Variants in PLXNA4 observed in about 807,000 individuals in gnomAD.
PLXNA4 encodes the protein plexin-A4.
PLXNA4 carries 44 observed loss-of-function variants against 191.8 expected under a neutral mutation model. The ratio of observed to expected loss-of-function variants is 0.23; its 90% CI spans 0.18 to 0.29. The LOEUF (loss-of-function observed/expected upper bound fraction) is 0.29. Among genes scored for constraint, PLXNA4 ranks in the 10% least tolerant of loss-of-function variants. PLXNA4 has a pLI of 1.00. For synonymous variants in PLXNA4, 1,082 were observed against 1,009.5 expected (o/e 1.07, Z -1.36); for missense variants, 1,800 against 2,488.8 (o/e 0.72, Z 5.89).
Position 132,507,872 on chromosome 7 carries a change from C to T in PLXNA4, c.822G>A (p.Gln274=), listed in dbSNP as rs1352003787. Residue 274 remains glutamine, a synonymous_variant, in exon 2 of 32, where the codon CAG becomes CAA. Transcript: ENST00000321063. ...VSPPGSTTKE[Q]VYTSKLVRLC... ...GCCTCACGAGCTTGGATGTATACAC[C>T]TGCTCCTTGGTGGTGGAGCCTGGTG... is the stretch of plus-strand genomic sequence containing the variant. 1 of 1,614,196 alleles carries T rather than the reference C, an allele frequency of 6.2e-7. No individual in the cohort carries two copies. Among genetic ancestry groups the T allele is most frequent in the Middle Eastern group, 1.6e-4 (1 of 6,062 alleles).
intron 3 of PLXNA4, among the ~76,000 whole-genome samples, chr7:132,481,136 C>G (rs186117413): frequency 6.6e-6 from 1 of 152,210 alleles, no homozygotes; most frequent in East Asian, 1.9e-4. Context: ...TAGGATCCAT[C>G]CAAACTGATT....
chr7:132,371,875 T>G (rs923833504), intron 3 of PLXNA4, among the ~76,000 whole-genome samples: 2 of 152,148 alleles, frequency 1.3e-5, no homozygotes, highest in Non-Finnish European at 2.9e-5. Flanking sequence ...GAAAACACAC[T>G]GAGAAATAAC....
At chr7:132,276,225 T>C (rs1463074517) in intron 4 of PLXNA4, among the ~76,000 whole-genome samples, 1 of 152,196 alleles carries the variant, frequency 6.6e-6, no homozygotes, top group Admixed American at 6.5e-5. Context: ...CAAAGGAATA[T>C]GAGTGGGGAC....
chr7:132,178,971 C>T (rs1221928681), intron 20 of PLXNA4, among the ~76,000 whole-genome samples: 1 of 143,256 alleles, frequency 7.0e-6, no homozygotes, highest in African/African-American at 2.6e-5. Flanking sequence ...TCCAGCACTG[C>T]CCACAGCTGC....
At chr7:132,604,551 G>A (rs543195165) in intron 2 of PLXNA4, among the ~76,000 whole-genome samples, 2 of 152,262 alleles carry the variant, frequency 1.3e-5, no homozygotes. Context: ...GTAAACAGTT[G>A]TTTTTCAATA....
intron 3 of PLXNA4, among the ~76,000 whole-genome samples, chr7:132,448,153 C>A (rs1484946063): frequency 1.3e-5 from 2 of 152,212 alleles, no homozygotes; most frequent in African/African-American, 4.8e-5. Context: ...TTCCCATTCC[C>A]AGTGGGTACT....
At chr7:132,285,151 T>C (rs2116423263) in intron 4 of PLXNA4, among the ~76,000 whole-genome samples, 1 of 152,380 alleles carries the variant, frequency 6.6e-6, no homozygotes, top group African/African-American at 2.4e-5. Context: ...TTATGTGCAC[T>C]TTCTTATTTA....
intron 4 of PLXNA4, among the ~76,000 whole-genome samples, chr7:132,287,037 T>C (rs1800707328): frequency 6.6e-6 from 1 of 152,174 alleles, no homozygotes; most frequent in African/African-American, 2.4e-5. Context: ...AACAACGTTT[T>C]TGTTTGTTTG....
chr7:132,376,796 C>T (rs1585053099), intron 3 of PLXNA4, among the ~76,000 whole-genome samples: 1 of 152,172 alleles, frequency 6.6e-6, no homozygotes, highest in Non-Finnish European at 1.5e-5. Flanking sequence ...AGAACGGACA[C>T]GGGGCAGCCA....
intron 3 of PLXNA4, among the ~76,000 whole-genome samples, chr7:132,433,615 G>C (rs538529562): frequency 2.6e-5 from 4 of 152,296 alleles, no homozygotes. Context: ...TCAGAAAAGA[G>C]AACCAGCTGG....
chr7:132,144,595 A>G (rs1795364741), intron 29 of PLXNA4, among the ~76,000 whole-genome samples: 1 of 152,204 alleles, frequency 6.6e-6, no homozygotes, highest in Non-Finnish European at 1.5e-5. Flanking sequence ...AGTGTGTTTC[A>G]AAACTGCTTG....
intron 3 of PLXNA4, among the ~76,000 whole-genome samples, chr7:132,428,324 C>A (rs1795128735): frequency 6.6e-6 from 1 of 152,348 alleles, no homozygotes; most frequent in South Asian, 2.1e-4. Context: ...AGTCCCTATG[C>A]TCTCCCCATC....
intron 16 of PLXNA4, among the ~76,000 whole-genome samples, chr7:132,184,000 A>G (rs897783351): frequency 8.5e-5 from 13 of 152,212 alleles, no homozygotes; most frequent in Admixed American, 7.2e-4. Context: ...GCGCCAATAA[A>G]ACTTTATTTA....
At chr7:132,220,626 T>C (rs1352602425) in intron 9 of PLXNA4, among the ~76,000 whole-genome samples, 1 of 151,792 alleles carries the variant, frequency 6.6e-6, no homozygotes, top group Non-Finnish European at 1.5e-5. Flanking sequence ...TCCTCCAGAC[T>C]AATTCCTTTC....
chr7:132,555,292 C>T (rs1485060554), intron 1 of PLXNA4, among the ~76,000 whole-genome samples: 1 of 152,184 alleles, frequency 6.6e-6, no homozygotes, highest in Non-Finnish European at 1.5e-5. Flanking sequence ...CATACTCTGA[C>T]AGAGAGCCAG....
At chr7:132,228,653 A>G (rs1798417772) in intron 5 of PLXNA4, among the ~76,000 whole-genome samples, 184 bp from the exon 6 acceptor site, 1 of 152,158 alleles carries the variant, frequency 6.6e-6, no homozygotes, top group Admixed American at 6.5e-5. Flanking sequence ...TTTAGAAAAG[A>G]TGGCAATTTC....
intron 4 of PLXNA4, among the ~76,000 whole-genome samples, chr7:132,285,815 T>A (rs145120392): frequency 6.6e-6 from 1 of 152,194 alleles, no homozygotes; most frequent in South Asian, 2.1e-4. Context: ...AATTTAACTA[T>A]TTCCATTAGG....
chr7:132,229,557 C>A (rs1001426718), intron 5 of PLXNA4, among the ~76,000 whole-genome samples: 6 of 151,998 alleles, frequency 3.9e-5, no homozygotes, highest in African/African-American at 1.2e-4. Flanking sequence ...TCAGGAGGGA[C>A]AAGACAAGAG....
intron 1 of PLXNA4, among the ~76,000 whole-genome samples, chr7:132,512,862 CTCAAG>C (rs1185153550): frequency 1.3e-5 from 2 of 152,186 alleles, no homozygotes; most frequent in Non-Finnish European, 2.9e-5. Context: ...CCATTTCGCT[CTCAAG>C]TCACCATTTA....
Sources: gnomAD v4.1 joint callset for allele counts (sites outside exome capture counted in the v4.1 genomes callset) on GRCh38, gnomAD v4.1.1 for gene constraint, MANE v1.5 for transcripts, NCBI Gene and HGNC (gene_info 2026-07-23, HGNC 2026-07-21) for gene names.